The following CACNA1B variants were observed in gnomAD, a reference collection of about 807,000 sequenced individuals.
The protein encoded by CACNA1B is voltage-dependent N-type calcium channel subunit alpha-1B.
In CACNA1B, 70 loss-of-function variants were observed where a neutral mutation model predicts 247.2. The ratio of observed to expected loss-of-function variants is 0.28; its 90% CI spans 0.23 to 0.35. The LOEUF is 0.35. CACNA1B is among the 10% of genes least tolerant of loss of function. The pLI is 1.00. For missense variants in CACNA1B, 2,367 were observed against 3,197.4 expected (o/e 0.74, Z 6.26); for synonymous variants, 1,231 against 1,294.4 (o/e 0.95, Z 1.05).
rs200916449 is a variant in CACNA1B at position 138,122,126 on chromosome 9, C to T, written c.*127C>T. ...CCCACCTTGGTGAGGCTCCTGTGGC[C>T]CCTCCCTCCCCCTCCTCCCCTCTTT... On this transcript the variant is annotated 3_prime_UTR_variant, in exon 47 of 47. Coordinates refer to ENST00000371372, the MANE Select transcript of CACNA1B (RefSeq NM_000718.4). 25 of 728,520 alleles carry T rather than the reference C, an allele frequency of 3.4e-5. No homozygotes were observed. Among genetic ancestry groups the T allele is most frequent in the East Asian group, 5.4e-5 (2 of 36,888 alleles). The allele number at this position is 728,520 out of a possible 1,614,324, so 45.1% of individuals were successfully genotyped here.
At position 138,058,763 on chromosome 9, in the gene CACNA1B, T is replaced by G; in HGVS notation, c.4473+30T>G. ...GTGGGGCTCAGCGCAGAGGGGCAGCTGGCGCTGCTAGGGATTGGGATCTAA... is the reference window on the plus strand; with the variant it reads ...GTGGGGCTCAGCGCAGAGGGGCAGCGGGCGCTGCTAGGGATTGGGATCTAA... On this transcript the variant is annotated intron_variant, in intron 29 of 46. Coordinates refer to ENST00000371372, the MANE Select transcript of CACNA1B (RefSeq NM_000718.4). This position sits in a 1 kb window ranked among gnomAD's most constrained non-coding sequence, Gnocchi z 4.7. 6.4e-7 allele frequency: 1 copy of G among 1,571,302 alleles called. No individual in the cohort carries two copies. The highest frequency in any genetic ancestry group is 8.7e-7 in the Non-Finnish European group (1 of 1,155,966).
In CACNA1B at chr9:138,115,672, G is replaced by A. The variant is rs768799057; in HGVS notation, c.5770G>A (p.Gly1924Arg). ...QKSSTSLSNG[G>R]AIQNQESGIK... is the part of the protein sequence containing the mutation. ...GAGTTCCACCTCCCTCAGCAATGGC[G>A]GGGCCATGTGAGTATCCAGATGCAG... Residue 1924 changes from glycine (G) to arginine (R), a missense_variant, in exon 42 of 47, where the codon GGG becomes AGG. Around this residue, in one of 12 missense-constraint regions of CACNA1B, gnomAD observed 773 missense variants for 779.4 expected, o/e 0.99. Transcript: ENST00000371372. The A allele has an allele frequency of 6.8e-6, 11 of 1,612,448 alleles. No homozygotes were observed. Among genetic ancestry groups the A allele is most frequent in the Middle Eastern group, 1.7e-4 (1 of 6,024 alleles).
Position 137,952,339 on chromosome 9 carries a change from C to A in CACNA1B, c.1032C>A (p.Ser344=). The part of the protein sequence containing the change: ...LYFIPLIIIG[S]FFMLNLVLGV... ...TCATCCCTCTCATCATCATCGGCTC[C>A]TTCTTCATGCTCAACCTGGTGCTGG... The change falls in exon 7 of 47, where the codon TCC becomes TCA. Residue 344 remains serine, a synonymous_variant. Coordinates refer to ENST00000371372, the MANE Select transcript of CACNA1B (RefSeq NM_000718.4). This position sits in a 1 kb window ranked among gnomAD's most constrained non-coding sequence, Gnocchi z 4.8. The A allele has an allele frequency of 6.2e-7, 1 of 1,613,900 alleles. No homozygotes were observed. The highest frequency in any genetic ancestry group is 8.5e-7 in the Non-Finnish European group (1 of 1,179,852).
intron 36 of CACNA1B, among the ~76,000 whole-genome samples, chr9:138,079,235 A>G (rs1960431212): frequency 6.6e-6 from 1 of 151,944 alleles, no homozygotes; most frequent in African/African-American, 2.4e-5. Context: ...GTGTGTGTTG[A>G]ACTTTGGTGA....
intron 3 of CACNA1B, among the ~76,000 whole-genome samples, chr9:137,896,816 CA>C (rs34414568): frequency 0.31 from 47,379 of 152,022 alleles, 10,703 homozygotes; most frequent in African/African-American, 0.62. Flanking sequence ...TGTGGATGTT[CA>C]AATGATCTGT....
At chr9:138,032,158 A>G (rs192030837) in intron 20 of CACNA1B, among the ~76,000 whole-genome samples, 1 of 151,880 alleles carries the variant, frequency 6.6e-6, no homozygotes. Context: ...TATCTCTTCT[A>G]TAGGTTTTTT....
intron 3 of CACNA1B, among the ~76,000 whole-genome samples, chr9:137,901,028 T>A (rs1019035446): frequency 2.7e-5 from 4 of 150,072 alleles, no homozygotes; most frequent in Non-Finnish European, 5.9e-5. Flanking sequence ...TGTGTCCGTG[T>A]GTCCGTGTCT....
chr9:137,956,715 C>CTGGGGCAT, intron 8 of CACNA1B, 56 bp from the exon 9 acceptor site: 17 of 1,509,356 alleles, frequency 1.1e-5, no homozygotes, highest in Non-Finnish European at 1.6e-5. Flanking sequence ...TGCCTCTGTC[C>CTGGGGCAT]TGGGGCATTC....
chr9:138,084,813 G>A lies in CACNA1B; in HGVS notation c.5094+6555G>A, dbSNP rs534880836. On this transcript the variant is annotated intron_variant, in intron 36 of 46. Coordinates refer to ENST00000371372, the MANE Select transcript of CACNA1B (RefSeq NM_000718.4). ...AAAAATACAAAAAAATTAGCCGGGCGCGGTGGTGGGCGCCTGTAGTCCCAG... is the reference window on the plus strand; with the variant it reads ...AAAAATACAAAAAAATTAGCCGGGCACGGTGGTGGGCGCCTGTAGTCCCAG... Among the ~76,000 whole-genome samples, 46 of 150,840 alleles carry A rather than the reference G, an allele frequency of 3.0e-4. 2 individuals carry two copies. The highest frequency in any genetic ancestry group is 8.6e-4 in the African/African-American group (35 of 40,678).
chr9:138,085,034 A>T (rs1341140519), intron 36 of CACNA1B, among the ~76,000 whole-genome samples: 1 of 150,830 alleles, frequency 6.6e-6, no homozygotes, highest in Non-Finnish European at 1.5e-5. Context: ...TAAAAACTAA[A>T]TTTAAAAACT....
At position 137,973,733 on chromosome 9, in the gene CACNA1B, C is replaced by T. The variant is rs532417577; in HGVS notation, c.1543+2141C>T. ...GTGCCTGCTGGTAGGATGCATGATA[C>T]AAGAGTGTACGAATGAATGCCCTTT... On this transcript the variant is annotated intron_variant, in intron 11 of 46. Coordinates refer to ENST00000371372, the MANE Select transcript of CACNA1B (RefSeq NM_000718.4). The surrounding 1 kb of genome is among the most constrained non-coding windows in gnomAD (Gnocchi z 4.1). Among the ~76,000 whole-genome samples, 2 of 152,284 alleles carry T rather than the reference C, an allele frequency of 1.3e-5. No individual in the cohort carries two copies. The highest frequency in any genetic ancestry group is 2.1e-4 in the South Asian group (1 of 4,824).
At chr9:137,918,210 TG>T (rs34185755) in intron 6 of CACNA1B, among the ~76,000 whole-genome samples, 5 of 151,060 alleles carry the variant, frequency 3.3e-5, no homozygotes, top group Admixed American at 2.0e-4. Context: ...GTATAAGGCT[TG>T]GGGGGGGTGC....
At chr9:138,085,190 C>A (rs1169138991) in intron 36 of CACNA1B, among the ~76,000 whole-genome samples, 1 of 150,230 alleles carries the variant, frequency 6.7e-6, no homozygotes, top group East Asian at 2.1e-4. Flanking sequence ...AAAAAAAGAA[C>A]CAAGCAGATA....
At chr9:138,016,313 C>T (rs757548704) in intron 18 of CACNA1B, among the ~76,000 whole-genome samples, 1 of 152,260 alleles carries the variant, frequency 6.6e-6, no homozygotes, top group South Asian at 2.1e-4. Flanking sequence ...TGCAGCCCAC[C>T]TGGCCCTCCC....
rs866465218 is a variant in CACNA1B at position 138,121,736 on chromosome 9, C to T, written c.6757C>T (p.Arg2253Ter). The change falls in exon 47 of 47, where the codon CGA (arginine) becomes TGA (stop). Residue 2253 changes from arginine to a stop codon, truncating the protein, a stop_gained. Coordinates refer to ENST00000371372, the MANE Select transcript of CACNA1B (RefSeq NM_000718.4). LOFTEE classifies it high-confidence loss of function. This position sits in a 1 kb window ranked among gnomAD's most constrained non-coding sequence, Gnocchi z 6.8. ...PLSQPLAPGS[R>*]IGSDPYLGQR... Reference sequence around the variant, plus strand: ...CAGCCAGCCCCTGGCCCCTGGCTCTCGAATTGGCTCTGACCCTTACCTGGG... The same window carrying T: ...CAGCCAGCCCCTGGCCCCTGGCTCTTGAATTGGCTCTGACCCTTACCTGGG... 2 of 1,613,414 alleles carry T rather than the reference C, an allele frequency of 1.2e-6. No individual in the cohort carries two copies. Among genetic ancestry groups the T allele is most frequent in the Non-Finnish European group, 1.7e-6 (2 of 1,179,878 alleles).
rs1260146941 is a variant in CACNA1B, at chr9:138,027,156, T to C, written c.3286+1984T>C. ...TGAGTTTTAGGAGTTCTTTGTATAT[T>C]TTGGATACAAGTCTTTCATCAGATA... On this transcript the variant is annotated intron_variant, in intron 20 of 46. Transcript: ENST00000371372. Among the ~76,000 whole-genome samples, 8 of 152,368 alleles carry C rather than the reference T, an allele frequency of 5.3e-5. No homozygotes were observed. The East Asian group carries it at 1.3e-3, about 26-fold the overall frequency.
chr9:138,037,761 C>G (rs1818197417), intron 20 of CACNA1B, among the ~76,000 whole-genome samples: 1 of 152,118 alleles, frequency 6.6e-6, no homozygotes. Context: ...GTATCAGGAG[C>G]TCTGTCATGT....
intron 42 of CACNA1B, 113 bp from the exon 43 acceptor site, chr9:138,117,833 C>T (rs1961924832): frequency 1.2e-6 from 1 of 823,936 alleles, no homozygotes. Flanking sequence ...GGCCAAACCC[C>T]CTGACCTCTG....
chr9:137,898,761 A>G (rs1051861645), intron 3 of CACNA1B, among the ~76,000 whole-genome samples: 2 of 150,658 alleles, frequency 1.3e-5, no homozygotes, highest in African/African-American at 4.9e-5. Flanking sequence ...AGCTCACTAC[A>G]AGCTCCACCT....
Sources: allele counts gnomAD v4.1 joint callset (sites outside exome capture counted in the v4.1 genomes callset), GRCh38; gene constraint gnomAD v4.1.1; regional missense constraint gnomAD v4.1.1; non-coding constraint Gnocchi (gnomAD v3.1); transcripts MANE v1.5; gene names NCBI Gene and HGNC (gene_info 2026-07-23, HGNC 2026-07-21).